The following MTUS2 variants were observed in gnomAD, a reference collection of about 807,000 sequenced individuals.
MTUS2 encodes microtubule associated scaffold protein 2, also known as microtubule-associated tumor suppressor candidate 2.
In MTUS2, 40 loss-of-function variants were observed where a neutral mutation model predicts 114.1. The ratio of observed to expected loss-of-function variants is 0.35; its 90% CI spans 0.27 to 0.46. The LOEUF is 0.46. Ranked by LOEUF, MTUS2 falls within the 20% of genes least tolerant of loss-of-function variation. The pLI is 1.00. For synonymous variants in MTUS2, 688 were observed against 672.0 expected (o/e 1.02, Z -0.37); for missense variants, 1,679 against 1,705.4 (o/e 0.98, Z 0.27).
At chr13:29,212,930 C>T (rs1246031356) in intron 5 of MTUS2, among the ~76,000 whole-genome samples, 2 of 152,096 alleles carry the variant, frequency 1.3e-5, no homozygotes, top group Non-Finnish European at 2.9e-5. Context: ...CTGAAAGTTC[C>T]AAGCTTCTAA....
chr13:29,302,624 C>G (rs898043386), intron 6 of MTUS2, among the ~76,000 whole-genome samples: 2 of 152,244 alleles, frequency 1.3e-5, no homozygotes, highest in African/African-American at 4.8e-5. Context: ...GAGTCCCAGT[C>G]AGCCCAGCAC....
intron 5 of MTUS2, among the ~76,000 whole-genome samples, chr13:29,210,977 C>A (rs1181917653): frequency 1.3e-5 from 2 of 151,996 alleles, no homozygotes; most frequent in African/African-American, 2.4e-5. Context: ...TGCCCTAATG[C>A]CACCTGGGTG....
chr13:29,152,591 C>T (rs1043862155), intron 5 of MTUS2, among the ~76,000 whole-genome samples: 3 of 152,212 alleles, frequency 2.0e-5, no homozygotes, highest in African/African-American at 7.2e-5. Context: ...CAAGCTCACT[C>T]ACATGGCTGC....
At chr13:29,232,498 C>T (rs1339627723) in intron 5 of MTUS2, among the ~76,000 whole-genome samples, 1 of 152,156 alleles carries the variant, frequency 6.6e-6, no homozygotes, top group Non-Finnish European at 1.5e-5. Flanking sequence ...AGACTCTGGA[C>T]TCCCGACTCC....
In MTUS2 at chr13:29,407,190, G is replaced by C. The variant is rs114822540; in HGVS notation, c.3118-32793G>C. On this transcript the variant is annotated intron_variant, in intron 8 of 15. Coordinates refer to ENST00000612955, the MANE Select transcript of MTUS2 (RefSeq NM_001033602.4). ...GAACACCAGAGGCAGGGGTTGCAGT[G>C]AGCTGAGGTCGTGCCATGGCACTCC... Among the ~76,000 whole-genome samples the C allele has an allele frequency of 5.7e-3, 864 of 152,228 alleles. 9 individuals are homozygous for C. The highest frequency in any genetic ancestry group is 0.02 in the African/African-American group (824 of 41,556).
intron 4 of MTUS2, among the ~76,000 whole-genome samples, chr13:29,068,586 GT>G (rs1474544050): frequency 4.6e-5 from 7 of 152,200 alleles, no homozygotes; most frequent in Non-Finnish European, 1.0e-4. Context: ...GTAATTGACT[GT>G]TGTGAGGCAG....
intron 8 of MTUS2, among the ~76,000 whole-genome samples, chr13:29,387,006 A>G (rs1401309030): frequency 2.0e-5 from 3 of 152,188 alleles, no homozygotes; most frequent in Non-Finnish European, 2.9e-5. Flanking sequence ...CAGAGTTTTC[A>G]TTTGTTCATT....
intron 2 of MTUS2, among the ~76,000 whole-genome samples, chr13:28,876,093 G>C (rs373370860): frequency 2.0e-5 from 3 of 152,136 alleles, no homozygotes; most frequent in Non-Finnish European, 2.9e-5. Context: ...CTTTGCCTCT[G>C]CCTTTCTTCT....
chr13:29,115,191 A>G (rs1891038470), intron 5 of MTUS2, among the ~76,000 whole-genome samples: 1 of 138,340 alleles, frequency 7.2e-6, no homozygotes, highest in African/African-American at 2.7e-5. Context: ...ACTGCCATGA[A>G]TATGTCTAGT....
At chr13:28,913,569 G>C (rs554932278) in intron 2 of MTUS2, among the ~76,000 whole-genome samples, 85 of 152,008 alleles carry the variant, frequency 5.6e-4, no homozygotes, top group Admixed American at 1.6e-3. Context: ...TTGGCCTGAA[G>C]TTTTCTTTTT....
chr13:29,313,889 TAAAAG>T (rs1899877860), intron 6 of MTUS2, among the ~76,000 whole-genome samples: 1 of 152,042 alleles, frequency 6.6e-6, no homozygotes, highest in African/African-American at 2.4e-5. Flanking sequence ...CCCTGGAAGT[TAAAAG>T]AGAAATGCCT....
intron 11 of MTUS2, among the ~76,000 whole-genome samples, chr13:29,492,146 GTGTA>G (rs1466600506): frequency 2.2e-4 from 5 of 22,282 alleles, no homozygotes; most frequent in East Asian, 3.6e-3. Flanking sequence ...TGTGGTAGGT[GTGTA>G]TGTGTGTGTG....
chr13:29,076,283 G>GT (rs1277238831), intron 4 of MTUS2, among the ~76,000 whole-genome samples: 1 of 152,170 alleles, frequency 6.6e-6, no homozygotes, highest in Non-Finnish European at 1.5e-5. Context: ...TACAGGATAA[G>GT]TTTTTTATTA....
chr13:29,449,178 A>C (rs1878504989), intron 9 of MTUS2, among the ~76,000 whole-genome samples: 1 of 149,648 alleles, frequency 6.7e-6, no homozygotes, highest in South Asian at 2.1e-4. Flanking sequence ...TTTCTATAAT[A>C]TAAAATAAAG....
chr13:29,142,686 A>G (rs1354622464), intron 5 of MTUS2, among the ~76,000 whole-genome samples: 1 of 152,190 alleles, frequency 6.6e-6, no homozygotes, highest in Middle Eastern at 3.2e-3. Context: ...AGCCTGGGCA[A>G]CAGAGTGAGA....
intron 9 of MTUS2, among the ~76,000 whole-genome samples, chr13:29,448,704 A>G (rs1372556943): frequency 6.7e-6 from 1 of 150,164 alleles, no homozygotes; most frequent in East Asian, 2.0e-4. Flanking sequence ...ATGTTTTCTG[A>G]ACACTTTAAA....
intron 9 of MTUS2, among the ~76,000 whole-genome samples, chr13:29,477,377 G>C (rs1443303956): frequency 6.6e-6 from 1 of 152,048 alleles, no homozygotes; most frequent in Admixed American, 6.6e-5. Flanking sequence ...CAACTCCCTG[G>C]TGGAATCCTG....
At chr13:29,179,839 A>T (rs1395245331) in intron 5 of MTUS2, among the ~76,000 whole-genome samples, 1 of 152,194 alleles carries the variant, frequency 6.6e-6, no homozygotes, top group African/African-American at 2.4e-5. Context: ...CTTTCATTTT[A>T]AAATATCTGA....
intron 5 of MTUS2, among the ~76,000 whole-genome samples, chr13:29,141,610 C>G (rs1462900149): frequency 6.6e-6 from 1 of 152,160 alleles, no homozygotes; most frequent in African/African-American, 2.4e-5. Flanking sequence ...GCTGCAAATA[C>G]ATACTTAATA....
Sources: allele counts gnomAD v4.1 joint callset (sites outside exome capture counted in the v4.1 genomes callset), GRCh38; gene constraint gnomAD v4.1.1; transcripts MANE v1.5; gene names NCBI Gene and HGNC (gene_info 2026-07-23, HGNC 2026-07-21).